PLCB1: variants seen among roughly 807,000 people sequenced by gnomAD.
The protein encoded by PLCB1 is 1-phosphatidylinositol 4,5-bisphosphate phosphodiesterase beta-1.
In PLCB1, 46 loss-of-function variants were observed where a neutral mutation model predicts 161.8. That is an observed-to-expected ratio of 0.28 (90% CI 0.22 to 0.36). The LOEUF (loss-of-function observed/expected upper bound fraction) is 0.36, where lower values mean the gene tolerates loss of function less well. Among genes scored for constraint, PLCB1 ranks in the 10% least tolerant of loss-of-function variants. The pLI is 1.00. For missense variants in PLCB1, 1,016 were observed against 1,472.5 expected (o/e 0.69, Z 5.07); for synonymous variants, 517 against 503.7 (o/e 1.03, Z -0.35).
intron 3 of PLCB1, among the ~76,000 whole-genome samples, chr20:8,372,367 G>A (rs1267613254): frequency 2.0e-5 from 3 of 152,032 alleles, no homozygotes; most frequent in Non-Finnish European, 2.9e-5. Context: ...AAAATCACCT[G>A]GAATAATTAT....
chr20:8,477,697 C>T (rs553544676), intron 3 of PLCB1, among the ~76,000 whole-genome samples: 2 of 152,206 alleles, frequency 1.3e-5, no homozygotes, highest in East Asian at 3.9e-4. Context: ...AGAGAGGAAG[C>T]AAAGGAGTGG....
intron 2 of PLCB1, among the ~76,000 whole-genome samples, chr20:8,347,927 G>C (rs568466082): frequency 2.0e-5 from 3 of 151,752 alleles, no homozygotes; most frequent in Non-Finnish European, 4.4e-5. Flanking sequence ...AGCCGAGATC[G>C]TGCCACTGCA....
intron 2 of PLCB1, among the ~76,000 whole-genome samples, chr20:8,307,790 C>A (rs1334387953): frequency 2.6e-5 from 4 of 151,750 alleles, no homozygotes; most frequent in Non-Finnish European, 5.9e-5. Flanking sequence ...GGCATAGTGG[C>A]ACGCGCCTGT....
intron 1 of PLCB1, among the ~76,000 whole-genome samples, chr20:8,148,061 C>G (rs1162660701): frequency 6.6e-6 from 1 of 151,720 alleles, no homozygotes; most frequent in African/African-American, 2.4e-5. Flanking sequence ...GGAATCGCCA[C>G]CAAGATTTTG....
intron 3 of PLCB1, among the ~76,000 whole-genome samples, chr20:8,619,084 A>G (rs974434768): frequency 6.6e-6 from 1 of 152,184 alleles, no homozygotes; most frequent in African/African-American, 2.4e-5. Context: ...AGTTACCTGT[A>G]GTGAACTGGT....
intron 31 of PLCB1, among the ~76,000 whole-genome samples, chr20:8,797,255 A>T (rs182903040): frequency 1.2e-3 from 183 of 151,498 alleles, no homozygotes; most frequent in Non-Finnish European, 2.1e-3. Context: ...AGCATTTAGT[A>T]TTTTTTTCTT....
chr20:8,658,603 G>A lies in PLCB1; in HGVS notation c.761G>A (p.Arg254Gln). ...ATGGATTTTATCAACCTTAAGCAGC[G>A]AGATCCTCGGCTTAATGAAATACTT... The part of the protein sequence containing the change: ...QMMDFINLKQ[R>Q]DPRLNEILYP... The change falls in exon 9 of 32, where the codon CGA becomes CAA. Residue 254 changes from arginine to glutamine, a missense_variant. Coordinates refer to ENST00000338037, the MANE Select transcript of PLCB1 (RefSeq NM_015192.4). The A allele has an allele frequency of 6.2e-7, 1 of 1,612,906 alleles. No individual in the cohort carries two copies. The highest frequency in any genetic ancestry group is 8.5e-7 in the Non-Finnish European group (1 of 1,179,350).
At chr20:8,458,954 T>G (rs1320398058) in intron 3 of PLCB1, among the ~76,000 whole-genome samples, 1 of 152,194 alleles carries the variant, frequency 6.6e-6, no homozygotes. Context: ...TTAAAAGCCA[T>G]GAAGAATAAA....
At chr20:8,266,656 C>T (rs1165141785) in intron 2 of PLCB1, among the ~76,000 whole-genome samples, 1 of 152,148 alleles carries the variant, frequency 6.6e-6, no homozygotes, top group Non-Finnish European at 1.5e-5. Flanking sequence ...TGGAAGCCAC[C>T]ACCTTTCAGG....
intron 4 of PLCB1, among the ~76,000 whole-genome samples, chr20:8,633,348 C>T (rs148486249): frequency 7.4e-4 from 112 of 152,044 alleles, no homozygotes; most frequent in Admixed American, 3.0e-3. Context: ...GTTTTGGTTA[C>T]GTTCAGTTTG....
chr20:8,371,526 C>T, intron 3 of PLCB1, 76 bp downstream of exon 3: 1 of 1,006,180 alleles, frequency 9.9e-7, no homozygotes. Context: ...AATTAATTGC[C>T]CCAATTAAAA....
chr20:8,451,536 T>C (rs1395852418), intron 3 of PLCB1, among the ~76,000 whole-genome samples: 1 of 151,852 alleles, frequency 6.6e-6, no homozygotes, highest in Non-Finnish European at 1.5e-5. Flanking sequence ...TTTTAGTAGG[T>C]ATGGGGTTTC....
intron 2 of PLCB1, among the ~76,000 whole-genome samples, chr20:8,307,442 G>C (rs1173849516): frequency 6.6e-6 from 1 of 152,144 alleles, no homozygotes; most frequent in African/African-American, 2.4e-5. Context: ...ATAATCTGTC[G>C]ACGACCTGAC....
In PLCB1 at chr20:8,878,205, TC is replaced by T. The variant is rs540057893; in HGVS notation, c.3424-3416del. ...TATCCATAGCTGAAGGTCCCCCAGT[TC>T]AACCTATAAGAGAACAACAATCTGT... On this transcript the variant is annotated intron_variant, in intron 31 of 31. Transcript: ENST00000338037. Among the ~76,000 whole-genome samples, 176 of 152,298 alleles carry T rather than the reference TC, an allele frequency of 1.2e-3. 1 individual carries two copies. The highest frequency in any genetic ancestry group is 2.1e-3 in the Admixed American group (32 of 15,290).
intron 3 of PLCB1, among the ~76,000 whole-genome samples, chr20:8,579,853 G>A (rs1414387545): frequency 1.6e-5 from 2 of 128,298 alleles, no homozygotes; most frequent in East Asian, 4.6e-4. Context: ...GGATCATCAG[G>A]AGACAGAGGG....
rs113727213 is a variant in PLCB1, at chr20:8,247,641, AACAC to A, written c.177+97293_177+97296del. On this transcript the variant is annotated intron_variant, in intron 2 of 31. Coordinates refer to ENST00000338037, the MANE Select transcript of PLCB1 (RefSeq NM_015192.4). ...CAGCACACACACACACATACACGCAAACACACACACACACACACACACACACTTT... is the reference window on the plus strand; with the variant it reads ...CAGCACACACACACACATACACGCAAACACACACACACACACACACACTTT... Among the ~76,000 whole-genome samples the A allele has an allele frequency of 4.6e-3, 684 of 147,326 alleles. 2 individuals are homozygous for A. Among genetic ancestry groups the A allele is most frequent in the East Asian group, 0.011 (56 of 5,028 alleles).
At chr20:8,428,776 G>C (rs1245058764) in intron 3 of PLCB1, among the ~76,000 whole-genome samples, 1 of 152,190 alleles carries the variant, frequency 6.6e-6, no homozygotes, top group Non-Finnish European at 1.5e-5. Context: ...GGTAGTCCAG[G>C]TCATCTTTGA....
chr20:8,515,793 A>C (rs1037162251), intron 3 of PLCB1, among the ~76,000 whole-genome samples: 1 of 152,210 alleles, frequency 6.6e-6, no homozygotes, highest in African/African-American at 2.4e-5. Context: ...GACAGCTGGG[A>C]GTGCTTATCT....
At chr20:8,637,460 A>G (rs929804120) in intron 4 of PLCB1, among the ~76,000 whole-genome samples, 1 of 152,240 alleles carries the variant, frequency 6.6e-6, no homozygotes, top group African/African-American at 2.4e-5. Flanking sequence ...AATAGCAAGT[A>G]CAGGAATGGA....
Sources: allele counts gnomAD v4.1 joint callset (sites outside exome capture counted in the v4.1 genomes callset), GRCh38; gene constraint gnomAD v4.1.1; transcripts MANE v1.5; gene names NCBI Gene and HGNC (gene_info 2026-07-23, HGNC 2026-07-21).